Variants in ZC3H12B observed in about 807,000 individuals in gnomAD.
ZC3H12B encodes the protein zinc finger CCCH-type containing 12B.
In ZC3H12B, 7 loss-of-function variants were observed where a neutral mutation model predicts 43.9. The observed-to-expected ratio is 0.16, with a 90% CI of 0.09 to 0.30. ZC3H12B has a LOEUF of 0.30. Among genes scored for constraint, ZC3H12B ranks in the 10% least tolerant of loss-of-function variants. The pLI is 1.00. For missense variants in ZC3H12B, 475 were observed against 670.2 expected (o/e 0.71, Z 3.22); for synonymous variants, 222 against 241.7 (o/e 0.92, Z 0.76).
At chrX:65,445,977 A>C (rs2067370647) in intron 3 of ZC3H12B, among the ~76,000 whole-genome samples, 1 of 111,617 alleles carries the variant, frequency 9.0e-6, no homozygotes, top group Non-Finnish European at 1.9e-5. Context: ...CCATCCCAGT[A>C]CCAGGTTTCA....
the ZC3H12B span, chrX:65,331,325 T>G: frequency 9.0e-6 from 1 of 111,595 alleles, no homozygotes; most frequent in Non-Finnish European, 1.9e-5. Flanking sequence ...GGAATAATTT[T>G]TTTTTATTTT....
At chrX:65,082,663 C>A in the ZC3H12B span, among the ~76,000 whole-genome samples, 1 of 111,271 alleles carries the variant, frequency 9.0e-6, no homozygotes, top group Non-Finnish European at 1.9e-5. Flanking sequence ...GATGGCTTCA[C>A]TGATGAATTC....
At chrX:65,430,309 G>A (rs1358227384) in intron 3 of ZC3H12B, among the ~76,000 whole-genome samples, 4 of 108,936 alleles carry the variant, frequency 3.7e-5, no homozygotes, top group African/African-American at 1.3e-4. Context: ...GAGAAGCATG[G>A]TTTCCTGGCA....
chrX:65,447,075 G>T (rs2067387363), intron 3 of ZC3H12B, among the ~76,000 whole-genome samples: 1 of 111,071 alleles, frequency 9.0e-6, no homozygotes, highest in Non-Finnish European at 1.9e-5. Context: ...CTTCAGATTT[G>T]GGCTGTTTCA....
chrX:65,058,056 A>C, the ZC3H12B span, among the ~76,000 whole-genome samples: 1 of 111,746 alleles, frequency 8.9e-6, no homozygotes, highest in Non-Finnish European at 1.9e-5. Context: ...GAGAAGTTTG[A>C]TCGTCTAAAG....
the ZC3H12B span, among the ~76,000 whole-genome samples, chrX:65,307,953 C>A: frequency 9.0e-6 from 1 of 111,364 alleles, no homozygotes; most frequent in South Asian, 3.7e-4. Flanking sequence ...TGAAATAAAG[C>A]AAAACTGGCA....
intron 3 of ZC3H12B, among the ~76,000 whole-genome samples, chrX:65,406,611 G>GACGGGCGGGA (rs1569396844): frequency 8.6e-5 from 8 of 92,868 alleles, no homozygotes; most frequent in African/African-American, 3.2e-4. Context: ...GCTGGGCGGG[G>GACGGGCGGGA]CTGGGCGGGA....
At chrX:65,241,143 G>A in the ZC3H12B span, among the ~76,000 whole-genome samples, 5 of 112,465 alleles carry the variant, frequency 4.4e-5, no homozygotes, top group East Asian at 5.6e-4. Flanking sequence ...AGAGCCAGCA[G>A]TCTGGAAAGG....
chrX:65,176,238 G>A, the ZC3H12B span, among the ~76,000 whole-genome samples: 4 of 111,401 alleles, frequency 3.6e-5, no homozygotes, highest in Admixed American at 9.6e-5. Flanking sequence ...GCTTGAGTAG[G>A]CAGTTTTCTC....
chrX:65,456,205 G>A (rs1037611478), intron 3 of ZC3H12B, among the ~76,000 whole-genome samples: 2 of 111,096 alleles, frequency 1.8e-5, no homozygotes, highest in Non-Finnish European at 3.8e-5. Flanking sequence ...GAGTCAAGAC[G>A]CATCAGTGTG....
chrX:65,249,796 A>ATTTT, the ZC3H12B span, among the ~76,000 whole-genome samples: 46 of 48,878 alleles, frequency 9.4e-4, no homozygotes, highest in Non-Finnish European at 1.4e-3. Flanking sequence ...ATTCCTAAGT[A>ATTTT]TTTTTTTTTT....
the ZC3H12B span, among the ~76,000 whole-genome samples, chrX:65,105,076 A>T: frequency 8.9e-6 from 1 of 111,770 alleles, no homozygotes; most frequent in South Asian, 3.8e-4. Context: ...ATGCAGCCAT[A>T]AAAAGAATGA....
intron 2 of ZC3H12B, among the ~76,000 whole-genome samples, chrX:65,370,633 C>G (rs1257974179): frequency 4.5e-5 from 5 of 111,767 alleles, no homozygotes; most frequent in Non-Finnish European, 9.4e-5. Flanking sequence ...AGCCTTGGGT[C>G]ACATTTTCTG....
chrX:65,055,296 G>T, the ZC3H12B span, among the ~76,000 whole-genome samples: 1 of 111,627 alleles, frequency 9.0e-6, no homozygotes, highest in African/African-American at 3.3e-5. Flanking sequence ...TTAGCATAAA[G>T]GGCTGTTGAA....
upstream of ZC3H12B, among the ~76,000 whole-genome samples, chrX:65,365,086 C>A (rs61528603): frequency 0.082 from 9,098 of 110,671 alleles, 1,023 homozygotes; most frequent in African/African-American, 0.29. Flanking sequence ...GTCAAATCAC[C>A]CAAGCAGTTT....
intron 3 of ZC3H12B, among the ~76,000 whole-genome samples, chrX:65,448,990 A>G (rs2067427190): frequency 1.9e-5 from 2 of 103,429 alleles, no homozygotes; most frequent in South Asian, 8.9e-4. Flanking sequence ...AGAAAGAAAG[A>G]AAGAGAGGAA....
chrX:65,180,955 A>G, the ZC3H12B span, among the ~76,000 whole-genome samples: 3 of 111,516 alleles, frequency 2.7e-5, no homozygotes, highest in South Asian at 1.1e-3. Flanking sequence ...GACAATCTCA[A>G]GCTAAAAGAA....
At chrX:65,246,109 A>G in the ZC3H12B span, among the ~76,000 whole-genome samples, 2 of 111,332 alleles carry the variant, frequency 1.8e-5, no homozygotes, top group Admixed American at 9.6e-5. Context: ...GCATTCCTAT[A>G]CACCAACAAT....
At chrX:65,195,901 T>C in the ZC3H12B span, among the ~76,000 whole-genome samples, 1 of 112,203 alleles carries the variant, frequency 8.9e-6, no homozygotes, top group African/African-American at 3.2e-5. Flanking sequence ...CTTTAATCTT[T>C]ACTCTCTAGT....
Sources: allele counts gnomAD v4.1 joint callset (sites outside exome capture counted in the v4.1 genomes callset), GRCh38; gene constraint gnomAD v4.1.1; transcripts MANE v1.5; gene names NCBI Gene and HGNC (gene_info 2026-07-23, HGNC 2026-07-21).